Variants in ATAD5 observed in about 807,000 individuals in gnomAD.
ATAD5 encodes ATPase family AAA domain containing 5.
ATAD5 carries 58 observed loss-of-function variants against 176.9 expected under a neutral mutation model. The observed-to-expected ratio is 0.33, with a 90% CI of 0.27 to 0.41. The LOEUF is 0.41. Among genes scored for constraint, ATAD5 ranks in the 10% least tolerant of loss-of-function variants. The pLI, the probability that ATAD5 is intolerant of heterozygous loss-of-function variation, is 1.00. For synonymous variants in ATAD5, 640 were observed against 712.6 expected (o/e 0.90, Z 1.62); for missense variants, 1,789 against 2,094.1 (o/e 0.85, Z 2.84).
At chr17:30,874,670 G>T (rs1032239094) in intron 14 of ATAD5, among the ~76,000 whole-genome samples, 10 of 143,642 alleles carry the variant, frequency 7.0e-5, no homozygotes, top group African/African-American at 2.6e-4. Context: ...TTGGTCTGTC[G>T]CCCAGGCAGC....
Position 30,858,293 on chromosome 17 carries a change from G to T in ATAD5, c.2926G>T (p.Val976Leu). The T allele has an allele frequency of 1.3e-6, 2 of 1,566,498 alleles. No individual in the cohort carries two copies. Residue 976 changes from valine (V) to leucine (L), a missense_variant, in exon 9 of 23, where the codon GTA becomes TTA. By Grantham distance (32) the Val-to-Leu change is conservative. Around this residue, in one of 6 missense-constraint regions of ATAD5, gnomAD observed 487 missense variants for 573.6 expected, o/e 0.85. Transcript: ENST00000321990. ...LLLKKQIEHQVLSSECHSKQE... is the reference protein window; with the variant it reads ...LLLKKQIEHQLLSSECHSKQE... ...CCTAAAAAAACAAATTGAGCACCAAGTACTTTCTTCCGAGTGTCATAGTAA... is the reference window on the plus strand; with the variant it reads ...CCTAAAAAAACAAATTGAGCACCAATTACTTTCTTCCGAGTGTCATAGTAA...
In ATAD5 at chr17:30,869,334, A is replaced by C; in HGVS notation, c.3400A>C (p.Thr1134Pro). 1 of 1,614,122 alleles carries C rather than the reference A, an allele frequency of 6.2e-7. No individual in the cohort carries two copies. Among genetic ancestry groups the C allele is most frequent in the Non-Finnish European group, 8.5e-7 (1 of 1,180,012 alleles). Residue 1134 changes from threonine to proline, a missense_variant, in exon 13 of 23, where the codon ACA becomes CCA. Physicochemically the swap from Thr to Pro is conservative, Grantham distance 38. Around this residue, in one of 6 missense-constraint regions of ATAD5, gnomAD observed 487 missense variants for 573.6 expected, o/e 0.85. Transcript: ENST00000321990. The part of the protein sequence containing the change: ...LCNTVLITGP[T>P]GVGKTAAVYA... Reference sequence around the variant, plus strand: ...CAATACTGTCCTTATAACAGGGCCAACAGGAGTGGGAAAAACTGCTGCAGT... The same window carrying C: ...CAATACTGTCCTTATAACAGGGCCACCAGGAGTGGGAAAAACTGCTGCAGT...
In ATAD5 at chr17:30,865,592, A is replaced by G. The variant is rs1907933608; in HGVS notation, c.3137-112A>G. The G allele has an allele frequency of 2.6e-5, 15 of 576,846 alleles. No individual in the cohort carries two copies. The East Asian group carries it at 4.7e-4, about 18-fold the overall frequency. The allele number at this position is 576,846 out of a possible 1,614,324, so 35.7% of individuals were successfully genotyped here. ...TACCTCTGGCATTTTGTAAATATAAATATTTCTGCAAATACCTACTGTGAC... is the reference window on the plus strand; with the variant it reads ...TACCTCTGGCATTTTGTAAATATAAGTATTTCTGCAAATACCTACTGTGAC... On this transcript the variant is annotated intron_variant, in intron 10 of 22. Transcript: ENST00000321990.
intron 18 of ATAD5, among the ~76,000 whole-genome samples, chr17:30,884,575 C>T (rs533056302): frequency 6.7e-6 from 1 of 150,004 alleles, no homozygotes; most frequent in East Asian, 2.0e-4. Flanking sequence ...ACTACAGGCA[C>T]GTGCCACCAT....
Position 30,856,823 on chromosome 17 carries a change from A to G in ATAD5, c.2636-132A>G, listed in dbSNP as rs1907315599. Reference sequence around the variant, plus strand: ...TGGAGGGTAGGATTTTGTTCCCTTTATAGTCATGTGGTTTTTGGTATGTTT... The same window carrying G: ...TGGAGGGTAGGATTTTGTTCCCTTTGTAGTCATGTGGTTTTTGGTATGTTT... On this transcript the variant is annotated intron_variant, in intron 7 of 22. Transcript: ENST00000321990. 5.2e-6 allele frequency: 4 copies of G among 767,800 alleles called. No homozygotes were observed. In the East Asian group the frequency reaches 1.3e-4, roughly 25 times the overall value. 47.6% of individuals were successfully genotyped at this position (767,800 alleles called of 1,614,324 possible). A position where few individuals can be genotyped will look rare whatever the true frequency, so the allele number is the denominator to read the frequency against.
At chr17:30,836,165 AAAAG>A in intron 2 of ATAD5, 117 bp downstream of exon 2, 1 of 915,862 alleles carries the variant, frequency 1.1e-6, no homozygotes, top group Non-Finnish European at 1.5e-6. Context: ...GTTTAAAAGA[AAAAG>A]AACAGGATTT....
At chr17:30,849,724 C>T (rs946655042) in intron 6 of ATAD5, among the ~76,000 whole-genome samples, 1 of 152,072 alleles carries the variant, frequency 6.6e-6, no homozygotes, top group Non-Finnish European at 1.5e-5. Flanking sequence ...ATTACCTTGC[C>T]TTTTTATTTG....
chr17:30,887,362 A>G lies in ATAD5; in HGVS notation c.4248A>G (p.Leu1416=). 1 of 1,599,206 alleles carries G rather than the reference A, an allele frequency of 6.3e-7. No individual in the cohort carries two copies. Among genetic ancestry groups the G allele is most frequent in the Non-Finnish European group, 8.5e-7 (1 of 1,175,330 alleles). ...SGGGVLEERP[L]TLYRGNSRNV... is the part of the protein sequence containing the mutation. ...GTGGAGTTTTAGAAGAACGACCATT[A>G]ACCCTTTATCGTAAGTTGATTTGTT... is the stretch of plus-strand genomic sequence containing the variant. Residue 1416 remains leucine (L), a synonymous_variant, in exon 19 of 23, where the codon TTA becomes TTG. Transcript: ENST00000321990.
chr17:30,880,331 G>A (rs376652621), intron 18 of ATAD5, among the ~76,000 whole-genome samples: 4 of 149,038 alleles, frequency 2.7e-5, no homozygotes, highest in African/African-American at 9.9e-5. Context: ...ATACCTGGCC[G>A]GGCGTAGTGG....
intron 3 of ATAD5, among the ~76,000 whole-genome samples, chr17:30,840,186 A>G (rs1008015214): frequency 3.0e-5 from 4 of 132,754 alleles, no homozygotes; most frequent in African/African-American, 6.1e-5. Context: ...CAGCAGAGCT[A>G]GACTCTGTTA....
At chr17:30,863,135 A>G (rs1907741262) in intron 10 of ATAD5, 1 of 152,258 alleles carries the variant, frequency 6.6e-6, no homozygotes, top group African/African-American at 2.4e-5. Context: ...GGCTGCAGTG[A>G]GCCATGATTG....
At chr17:30,892,902 T>G in intron 20 of ATAD5, 114 bp downstream of exon 20, 2 of 954,054 alleles carry the variant, frequency 2.1e-6, no homozygotes, top group East Asian at 5.2e-5. Flanking sequence ...ATAATTTGTA[T>G]AAGCCTTAGG....
At chr17:30,859,701 C>T (rs1907496976) in intron 9 of ATAD5, among the ~76,000 whole-genome samples, 1 of 149,600 alleles carries the variant, frequency 6.7e-6, no homozygotes, top group African/African-American at 2.4e-5. Flanking sequence ...CACTTTGTTG[C>T]CCAGGCTAGA....
At chr17:30,868,496 TC>T (rs1908132516) in intron 12 of ATAD5, 84 bp downstream of exon 12, 1 of 925,880 alleles carries the variant, frequency 1.1e-6, no homozygotes, top group South Asian at 3.0e-5. Context: ...CTATAAAATT[TC>T]TTTTTTTTTT....
At chr17:30,836,756 C>T (rs1597950467) in intron 2 of ATAD5, among the ~76,000 whole-genome samples, 1 of 151,140 alleles carries the variant, frequency 6.6e-6, no homozygotes, top group African/African-American at 2.4e-5. Context: ...TTAGTAGAGA[C>T]GGGGTTTTAC....
chr17:30,834,872 C>T lies in ATAD5; in HGVS notation c.791C>T (p.Thr264Ile), dbSNP rs755002049. 6 of 1,613,532 alleles carry T rather than the reference C, an allele frequency of 3.7e-6. No individual in the cohort carries two copies. The Admixed American group carries it at 6.7e-5, about 18-fold the overall frequency. ...GCCCAGTTAAATGATAGTATAATAA[C>T]TGTCTCATATGAGGAATTTTTAAAA... ...EAAQLNDSII[T>I]VSYEEFLKSH... The change falls in exon 2 of 23, where the codon ACT (threonine) becomes ATT (isoleucine). Residue 264 changes from threonine to isoleucine, a missense_variant. Around this residue, in one of 6 missense-constraint regions of ATAD5, gnomAD observed 696 missense variants for 712.5 expected, o/e 0.98. Coordinates refer to ENST00000321990, the MANE Select transcript of ATAD5 (RefSeq NM_024857.5).
chr17:30,892,537 G>C lies in ATAD5; in HGVS notation c.4259-70G>C, dbSNP rs915033456. 2.1e-5 allele frequency: 24 copies of C among 1,131,730 alleles called. No homozygotes were observed. In the Middle Eastern group the frequency reaches 8.8e-4, roughly 42 times the overall value. The allele number at this position is 1,131,730 out of a possible 1,614,324, so 70.1% of individuals were successfully genotyped here. A position where few individuals can be genotyped will look rare whatever the true frequency, so the allele number is the denominator to read the frequency against. ...TCCAGAAGATGTCAAAGGATCTCAG[G>C]CTTTAAATAATTGTTTGATACAATT... On this transcript the variant is annotated intron_variant, in intron 19 of 22. Transcript: ENST00000321990.
rs1909834029 is a variant in ATAD5 at position 30,894,957 on chromosome 17, T to C, written c.*44T>C. The C allele has an allele frequency of 7.7e-7, 1 of 1,296,566 alleles. No individual in the cohort carries two copies. The highest frequency in any genetic ancestry group is 1.5e-5 in the African/African-American group (1 of 66,902). 80.3% of individuals were successfully genotyped at this position (1,296,566 alleles called of 1,614,324 possible). A position where few individuals can be genotyped will look rare whatever the true frequency, so the allele number is the denominator to read the frequency against. ...CTTTGTATAGATTATCATGTGGTCC[T>C]TAAGATACATTTTTATATTATGTGG... On this transcript the variant is annotated 3_prime_UTR_variant, in exon 23 of 23. Transcript: ENST00000321990.
At chr17:30,873,320 C>CTT (rs775667412) in intron 14 of ATAD5, among the ~76,000 whole-genome samples, 23 of 137,490 alleles carry the variant, frequency 1.7e-4, no homozygotes, top group African/African-American at 4.3e-4. Flanking sequence ...ATTTCTTTTT[C>CTT]TTTTTTTTTT....
Sources: allele counts gnomAD v4.1 joint callset (sites outside exome capture counted in the v4.1 genomes callset), GRCh38; gene constraint gnomAD v4.1.1; regional missense constraint gnomAD v4.1.1; transcripts MANE v1.5; gene names NCBI Gene and HGNC (gene_info 2026-07-23, HGNC 2026-07-21).